Variants in PCDH15 observed in about 807,000 individuals in gnomAD.
PCDH15 encodes the protein protocadherin-15.
A neutral mutation model predicts 178.5 loss-of-function variants in PCDH15; 129 were observed. That is an observed-to-expected ratio of 0.72 (90% CI 0.63 to 0.84). The LOEUF is 0.84. PCDH15 is among the 40% of genes least tolerant of loss of function. The pLI is 0.00. For synonymous variants in PCDH15, 800 were observed against 732.0 expected (o/e 1.09, Z -1.50); for missense variants, 2,230 against 2,099.9 (o/e 1.06, Z -1.21).
At chr10:53,925,074 A>C (rs2084380793) in intron 25 of PCDH15, among the ~76,000 whole-genome samples, 1 of 152,174 alleles carries the variant, frequency 6.6e-6, no homozygotes, top group Admixed American at 6.5e-5. Flanking sequence ...AGGGAATAAA[A>C]GCAGACTGCC....
At chr10:54,062,773 GAA>G (rs5785035) in intron 18 of PCDH15, among the ~76,000 whole-genome samples, 7 of 149,828 alleles carry the variant, frequency 4.7e-5, no homozygotes, top group African/African-American at 1.2e-4. Context: ...GGAAAAGCGG[GAA>G]AAAAAAAATA....
intron 21 of PCDH15, among the ~76,000 whole-genome samples, chr10:53,969,372 C>G (rs1344479109): frequency 6.6e-6 from 1 of 152,194 alleles, no homozygotes; most frequent in African/African-American, 2.4e-5. Context: ...AAGACCAAAT[C>G]TACATCTGAT....
At chr10:54,561,760 A>C (rs924630370) in intron 2 of PCDH15, among the ~76,000 whole-genome samples, 1 of 152,064 alleles carries the variant, frequency 6.6e-6, no homozygotes, top group Non-Finnish European at 1.5e-5. Context: ...AGTATTTGTC[A>C]GTCTTTAGTC....
chr10:54,668,228 T>C lies in PCDH15; in HGVS notation c.-28-3938A>G, dbSNP rs181325756. On this transcript the variant is annotated intron_variant, in intron 1 of 37. Coordinates refer to ENST00000644397, the MANE Select transcript of PCDH15 (RefSeq NM_001384140.1). ...AAGCTGACACATTTCTTTTCTCCCA[T>C]GGATGTTATATTCCAGCAAAATAAA... is the stretch of plus-strand genomic sequence containing the variant. 7.9e-5 allele frequency among the ~76,000 whole-genome samples: 12 copies of C among 152,132 alleles called. No homozygotes were observed. The East Asian group carries it at 2.1e-3, about 27-fold the overall frequency.
intron 25 of PCDH15, among the ~76,000 whole-genome samples, chr10:53,936,582 A>C (rs912039800): frequency 6.6e-6 from 1 of 152,160 alleles, no homozygotes; most frequent in African/African-American, 2.4e-5. Flanking sequence ...AAATGTTCCA[A>C]GTAAAATGTT....
At chr10:54,893,020 A>G (rs1463933328) in intron 3 of PCDH15, among the ~76,000 whole-genome samples, 4 of 152,132 alleles carry the variant, frequency 2.6e-5, no homozygotes, top group Admixed American at 6.6e-5. Flanking sequence ...ACAAGGAAAT[A>G]TAGAAGATTG....
intron 2 of PCDH15, among the ~76,000 whole-genome samples, chr10:55,113,857 A>G (rs1258808720): frequency 1.3e-5 from 2 of 151,996 alleles, no homozygotes; most frequent in Non-Finnish European, 2.9e-5. Flanking sequence ...ATTATCCTGC[A>G]CCTCTCCCAC....
chr10:55,144,312 A>C (rs1824964366), intron 2 of PCDH15, among the ~76,000 whole-genome samples: 3 of 152,072 alleles, frequency 2.0e-5, no homozygotes, highest in Admixed American at 6.6e-5. Flanking sequence ...GTGAAGGAAA[A>C]TAATAGAACA....
chr10:54,715,344 T>C (rs953617144), intron 1 of PCDH15, among the ~76,000 whole-genome samples: 1 of 150,230 alleles, frequency 6.7e-6, no homozygotes, highest in Non-Finnish European at 1.5e-5. Flanking sequence ...AAGTGTAGAT[T>C]GGTCTTGTTA....
intron 10 of PCDH15, among the ~76,000 whole-genome samples, chr10:54,196,677 G>T (rs1192850622): frequency 1.3e-5 from 2 of 152,080 alleles, no homozygotes; most frequent in Admixed American, 1.3e-4. Flanking sequence ...CCCCAAATTC[G>T]TAAGTTGAAA....
intron 2 of PCDH15, among the ~76,000 whole-genome samples, chr10:55,061,271 G>C (rs1841422916): frequency 6.6e-6 from 1 of 152,082 alleles, no homozygotes. Flanking sequence ...ACTTCACCAA[G>C]GAAGATACAT....
At chr10:54,413,232 C>T (rs1953820863) in intron 3 of PCDH15, among the ~76,000 whole-genome samples, 1 of 152,032 alleles carries the variant, frequency 6.6e-6, no homozygotes, top group African/African-American at 2.4e-5. Context: ...AAGGGCCTTC[C>T]AATTTAATGA....
rs541120446 is a variant in PCDH15, at chr10:54,314,232, T to C, written c.876+3039A>G. On this transcript the variant is annotated intron_variant, in intron 8 of 37. Transcript: ENST00000644397. The stretch of plus-strand genomic sequence containing the variant: ...ATTATTATCAAGTATTAAATATTTG[T>C]TTCAGCATATTTGTTTTTTCACTGT... 2.6e-5 allele frequency among the ~76,000 whole-genome samples: 4 copies of C among 152,160 alleles called. 1 individual carries two copies. In the South Asian group the frequency reaches 8.3e-4, roughly 32 times the overall value.
chr10:54,087,696 T>C (rs11004062), intron 16 of PCDH15, among the ~76,000 whole-genome samples: 51,282 of 152,136 alleles, frequency 0.34, 9,311 homozygotes, highest in Middle Eastern at 0.47. Context: ...TAATTCTGTT[T>C]ACCATTTGGA....
chr10:54,252,666 C>A (rs2056583272), intron 8 of PCDH15, among the ~76,000 whole-genome samples: 1 of 152,090 alleles, frequency 6.6e-6, no homozygotes, highest in South Asian at 2.1e-4. Flanking sequence ...ATATATCTTT[C>A]TAAATATCAA....
chr10:54,496,880 T>A (rs1176567318), intron 3 of PCDH15, among the ~76,000 whole-genome samples: 1 of 152,138 alleles, frequency 6.6e-6, no homozygotes, highest in Non-Finnish European at 1.5e-5. Flanking sequence ...TATCCATAAC[T>A]TTACCCGTTC....
Position 55,286,496 on chromosome 10 carries a change from T to C in PCDH15, c.-156+33103A>G, listed in dbSNP as rs377660447. On this transcript the variant is annotated intron_variant, in intron 1 of 5. Coordinates refer to the PCDH15 transcript ENST00000458638. ...TGGTCATATCTGTAGCTGTAGTCTA[T>C]GAGGGTTTTTTTTTTTTGGTCTATG... 4.6e-5 allele frequency among the ~76,000 whole-genome samples: 7 copies of C among 151,386 alleles called. No individual in the cohort carries two copies. In the East Asian group the frequency reaches 7.8e-4, roughly 17 times the overall value.
At chr10:54,219,172 G>T (rs2052467867) in intron 9 of PCDH15, among the ~76,000 whole-genome samples, 1 of 150,784 alleles carries the variant, frequency 6.6e-6, no homozygotes, top group Admixed American at 6.6e-5. Flanking sequence ...CTACTGGGGA[G>T]GTTGAGGCAG....
chr10:55,153,163 C>T (rs1410498562), intron 2 of PCDH15, among the ~76,000 whole-genome samples: 1 of 152,100 alleles, frequency 6.6e-6, no homozygotes, highest in East Asian at 1.9e-4. Context: ...ACACCTATGA[C>T]TTCCATAAGT....
Sources: gnomAD v4.1 joint callset for allele counts (sites outside exome capture counted in the v4.1 genomes callset) on GRCh38, gnomAD v4.1.1 for gene constraint, MANE v1.5 for transcripts, NCBI Gene and HGNC (gene_info 2026-07-23, HGNC 2026-07-21) for gene names.